NXPH1: variants seen among roughly 807,000 people sequenced by gnomAD.
The protein encoded by NXPH1 is neurexophilin-1.
In NXPH1, 5 loss-of-function variants were observed where a neutral mutation model predicts 23.7. The observed-to-expected ratio is 0.21, with a 90% confidence interval of 0.11 to 0.44. The LOEUF (loss-of-function observed/expected upper bound fraction) is 0.44. Ranked by LOEUF, NXPH1 falls within the 20% of genes least tolerant of loss-of-function variation. The probability of loss-of-function intolerance (pLI) is 0.99; values close to 1 mark genes in which losing one functional copy is unlikely to be tolerated. For synonymous variants in NXPH1, 144 were observed against 122.2 expected (o/e 1.18, Z -1.18); for missense variants, 324 against 321.6 (o/e 1.01, Z -0.06).
intron 2 of NXPH1, among the ~76,000 whole-genome samples, chr7:8,471,418 G>A (rs997649662): frequency 6.6e-6 from 1 of 152,148 alleles, no homozygotes; most frequent in African/African-American, 2.4e-5. Flanking sequence ...GAAGAGGGTT[G>A]GAAGGACAGA....
At chr7:8,733,771 A>T (rs1293101383) in intron 2 of NXPH1, among the ~76,000 whole-genome samples, 1 of 151,960 alleles carries the variant, frequency 6.6e-6, no homozygotes, top group African/African-American at 2.4e-5. Context: ...TAGATTCTGG[A>T]TATTAGCCCT....
rs6949787 is a variant in NXPH1, at chr7:8,435,517, C to T, written c.-110-87C>T. The T allele has an allele frequency of 0.24, 135,726 of 557,304 alleles. 22,451 individuals are homozygous for T. Among genetic ancestry groups the T allele is most frequent in the African/African-American group, 0.57 (29,761 of 52,024 alleles). The allele number at this position is 557,304 out of a possible 1,614,324, so 34.5% of individuals were successfully genotyped here. A position where few individuals can be genotyped will look rare whatever the true frequency, so the allele number is the denominator to read the frequency against. On this transcript the variant is annotated intron_variant, in intron 1 of 2. Transcript: ENST00000405863. This position sits in a 1 kb window ranked among gnomAD's most constrained non-coding sequence, Gnocchi z 5.9. ...TCCCTTTTTTTTTTGGTCCCCCACT[C>T]CCCGCTACGACCCCCTTTCCCCGCT...
At chr7:8,488,290 A>G (rs1429804004) in intron 2 of NXPH1, among the ~76,000 whole-genome samples, 6 of 151,656 alleles carry the variant, frequency 4.0e-5, no homozygotes, top group Admixed American at 2.6e-4. Context: ...CATCTTACAT[A>G]CACATTTATG....
At chr7:8,672,188 G>A (rs559634872) in intron 2 of NXPH1, among the ~76,000 whole-genome samples, 2 of 152,204 alleles carry the variant, frequency 1.3e-5, no homozygotes, top group Admixed American at 6.5e-5. Context: ...GGACATGGAT[G>A]AAATTGGAAA....
chr7:8,521,138 C>G (rs1817764030), intron 2 of NXPH1, among the ~76,000 whole-genome samples: 1 of 152,088 alleles, frequency 6.6e-6, no homozygotes, highest in African/African-American at 2.4e-5. Context: ...TCTAGAAACT[C>G]AAGCAGAATC....
chr7:8,512,320 T>G (rs543875447), intron 2 of NXPH1, among the ~76,000 whole-genome samples: 1 of 152,274 alleles, frequency 6.6e-6, no homozygotes, highest in African/African-American at 2.4e-5. Context: ...AAAACATTCA[T>G]TAATTCCATC....
At chr7:8,476,929 C>T (rs1231520690) in intron 2 of NXPH1, among the ~76,000 whole-genome samples, 1 of 152,100 alleles carries the variant, frequency 6.6e-6, no homozygotes, top group Non-Finnish European at 1.5e-5. Flanking sequence ...CACAATGTAC[C>T]TATTTCCTTA....
At chr7:8,446,462 G>T (rs1262227636) in intron 2 of NXPH1, among the ~76,000 whole-genome samples, 3 of 152,098 alleles carry the variant, frequency 2.0e-5, no homozygotes, top group African/African-American at 7.2e-5. Context: ...TTATTATTTT[G>T]CTTAAAATAA....
chr7:8,457,399 A>T (rs1010755161), intron 2 of NXPH1, among the ~76,000 whole-genome samples: 1 of 152,318 alleles, frequency 6.6e-6, no homozygotes, highest in Non-Finnish European at 1.5e-5. Context: ...GGCATTGTCA[A>T]GCTATGCAGC....
intron 2 of NXPH1, among the ~76,000 whole-genome samples, chr7:8,457,184 T>A (rs1816610965): frequency 6.6e-6 from 1 of 152,188 alleles, no homozygotes; most frequent in Non-Finnish European, 1.5e-5. Flanking sequence ...TCCACTTAAT[T>A]TCTGGTGGCC....
chr7:8,608,282 G>A (rs538098647), intron 2 of NXPH1, among the ~76,000 whole-genome samples: 6 of 151,922 alleles, frequency 3.9e-5, no homozygotes, highest in South Asian at 4.2e-4. Context: ...TGGAAGTCTT[G>A]AAAGTCCAAG....
chr7:8,614,807 A>G (rs1819700368), intron 2 of NXPH1, among the ~76,000 whole-genome samples: 1 of 152,074 alleles, frequency 6.6e-6, no homozygotes, highest in Admixed American at 6.6e-5. Flanking sequence ...TTCTCTGTAA[A>G]GATTTATCAA....
At chr7:8,477,597 G>A (rs964241096) in intron 2 of NXPH1, among the ~76,000 whole-genome samples, 1 of 152,118 alleles carries the variant, frequency 6.6e-6, no homozygotes, top group Non-Finnish European at 1.5e-5. Context: ...AAGTCTTAAT[G>A]CGCCTCTTAA....
intron 2 of NXPH1, among the ~76,000 whole-genome samples, chr7:8,484,716 G>T (rs554559593): frequency 2.6e-5 from 4 of 152,132 alleles, no homozygotes; most frequent in Non-Finnish European, 4.4e-5. Flanking sequence ...GAAAATGGAC[G>T]TATGTAGGTG....
chr7:8,722,076 G>A (rs1019724995), intron 2 of NXPH1, among the ~76,000 whole-genome samples: 1 of 152,020 alleles, frequency 6.6e-6, no homozygotes, highest in African/African-American at 2.4e-5. Flanking sequence ...TTATTCATTA[G>A]AGGGTGAAAA....
At chr7:8,635,566 T>C (rs1351438214) in intron 2 of NXPH1, among the ~76,000 whole-genome samples, 2 of 152,190 alleles carry the variant, frequency 1.3e-5, no homozygotes, top group African/African-American at 4.8e-5. Context: ...AAAATAAAGA[T>C]GCATCAAGAT....
At chr7:8,682,384 C>G (rs1821069792) in intron 2 of NXPH1, among the ~76,000 whole-genome samples, 1 of 152,188 alleles carries the variant, frequency 6.6e-6, no homozygotes, top group Non-Finnish European at 1.5e-5. Flanking sequence ...TTCTGATACA[C>G]AGCTGATTTG....
intron 2 of NXPH1, among the ~76,000 whole-genome samples, chr7:8,642,627 T>TC (rs1583211180): frequency 2.0e-5 from 3 of 152,320 alleles, no homozygotes; most frequent in South Asian, 2.1e-4. Flanking sequence ...TCTAATTTTT[T>TC]TGTTGATTTT....
chr7:8,704,696 T>C (rs1050612850), intron 2 of NXPH1, among the ~76,000 whole-genome samples: 4 of 152,040 alleles, frequency 2.6e-5, no homozygotes, highest in African/African-American at 9.7e-5. Flanking sequence ...TAGATAATTA[T>C]GGTATTCATA....
Sources: gnomAD v4.1 joint callset for allele counts (sites outside exome capture counted in the v4.1 genomes callset) on GRCh38, gnomAD v4.1.1 for gene constraint, Gnocchi (gnomAD v3.1) non-coding constraint, MANE v1.5 for transcripts, NCBI Gene and HGNC (gene_info 2026-07-23, HGNC 2026-07-21) for gene names.